Variants in JMJD1C observed in about 807,000 individuals in gnomAD.
The protein encoded by JMJD1C is jumonji domain-containing protein 1C.
In JMJD1C, 31 loss-of-function variants were observed where a neutral mutation model predicts 245.3. The observed-to-expected ratio is 0.13, with a 90% confidence interval of 0.09 to 0.17. The LOEUF (loss-of-function observed/expected upper bound fraction) is 0.17. JMJD1C is among the 10% of genes least tolerant of loss of function. The pLI is 1.00. For synonymous variants in JMJD1C, 1,057 were observed against 1,017.4 expected, an observed-to-expected ratio of 1.04 and a Z score of -0.74; for missense variants, 2,691 against 3,000.2, an observed-to-expected ratio of 0.90 and a Z score of 2.41.
At chr10:63,290,261 C>A (rs1228257217) in intron 2 of JMJD1C, among the ~76,000 whole-genome samples, 1 of 152,118 alleles carries the variant, frequency 6.6e-6, no homozygotes, top group Non-Finnish European at 1.5e-5. Flanking sequence ...TCTGAAAACA[C>A]TGAAAAACAT....
chr10:63,395,819 T>C (rs896881164), intron 1 of JMJD1C, among the ~76,000 whole-genome samples: 1 of 152,118 alleles, frequency 6.6e-6, no homozygotes, highest in Admixed American at 6.5e-5. Flanking sequence ...AATGTTTTAG[T>C]ATAATTAAAA....
intron 2 of JMJD1C, among the ~76,000 whole-genome samples, chr10:63,289,112 T>A (rs1463512736): frequency 6.6e-6 from 1 of 152,076 alleles, no homozygotes; most frequent in Admixed American, 6.6e-5. Context: ...GCCTGGCCTC[T>A]GGGAGACTTT....
intron 25 of JMJD1C, 109 bp downstream of exon 25, chr10:63,168,326 T>A: frequency 8.6e-7 from 1 of 1,158,948 alleles, no homozygotes; most frequent in Non-Finnish European, 1.2e-6. Flanking sequence ...TCTTTGGTTG[T>A]CACCCTAATG....
At chr10:63,477,709 A>C (rs1333216903) in intron 1 of JMJD1C, among the ~76,000 whole-genome samples, 1 of 152,156 alleles carries the variant, frequency 6.6e-6, no homozygotes, top group Admixed American at 6.5e-5. Flanking sequence ...GGATAGGCAA[A>C]AATTTCTCAC....
At position 63,384,153 on chromosome 10, in the gene JMJD1C, T is replaced by C. The variant is rs185680944; in HGVS notation, c.169-3671A>G. Reference sequence around the variant, plus strand: ...AAGTTCAACCATGAGATTACAGCAGTTCTCTCACATCTTCAAGCTCTAGTT... The same window carrying C: ...AAGTTCAACCATGAGATTACAGCAGCTCTCTCACATCTTCAAGCTCTAGTT... On this transcript the variant is annotated intron_variant, in intron 1 of 25. Transcript: ENST00000399262. Among the ~76,000 whole-genome samples the C allele has an allele frequency of 2.0e-3, 311 of 152,264 alleles. 2 individuals are homozygous for C. Among genetic ancestry groups the C allele is most frequent in the African/African-American group, 7.1e-3 (295 of 41,540 alleles).
At position 63,508,124 on chromosome 10, in the gene JMJD1C, A is replaced by T. The variant is rs537650939; in HGVS notation, n.113+13614T>A. 3.3e-5 allele frequency among the ~76,000 whole-genome samples: 5 copies of T among 152,324 alleles called. No individual in the cohort carries two copies. The East Asian group carries it at 9.6e-4, about 29-fold the overall frequency. On this transcript the variant is annotated intron_variant and non_coding_transcript_variant, in intron 1 of 3. Transcript: ENST00000633035. Reference sequence around the variant, plus strand: ...TCTTATCAATGACTTTCTAGATACTACACCAAAGACACAATCTTGGATTGT... The same window carrying T: ...TCTTATCAATGACTTTCTAGATACTTCACCAAAGACACAATCTTGGATTGT...
At chr10:63,512,260 T>C (rs1954893084) in intron 1 of JMJD1C, among the ~76,000 whole-genome samples, 1 of 152,036 alleles carries the variant, frequency 6.6e-6, no homozygotes. Flanking sequence ...TTCAAGCTTC[T>C]GACCTATATT....
intron 2 of JMJD1C, 23 bp downstream of exon 2, chr10:63,380,295 A>C (rs1028964550): frequency 3.7e-6 from 6 of 1,611,428 alleles, no homozygotes; most frequent in Non-Finnish European, 5.1e-6. Flanking sequence ...GAAAATGCTT[A>C]ATGAAACAGG....
chr10:63,305,093 G>T (rs1047686341), intron 2 of JMJD1C, among the ~76,000 whole-genome samples: 1 of 152,112 alleles, frequency 6.6e-6, no homozygotes. Context: ...GAGTGGCTGG[G>T]CATGGTGGCT....
intron 24 of JMJD1C, among the ~76,000 whole-genome samples, chr10:63,172,626 A>G (rs571825743): frequency 1.3e-5 from 2 of 152,148 alleles, no homozygotes; most frequent in East Asian, 1.9e-4. Flanking sequence ...TTTTAAGGTG[A>G]CAACTGAAAT....
At chr10:63,500,179 T>A (rs1436084957) in intron 1 of JMJD1C, among the ~76,000 whole-genome samples, 1 of 152,194 alleles carries the variant, frequency 6.6e-6, no homozygotes, top group Non-Finnish European at 1.5e-5. Context: ...CCCAGCACTG[T>A]GGGAGGCCGA....
chr10:63,478,235 A>G (rs1002951844), intron 1 of JMJD1C, among the ~76,000 whole-genome samples: 9 of 152,240 alleles, frequency 5.9e-5, no homozygotes, highest in Non-Finnish European at 1.0e-4. Context: ...TAATAAAGTT[A>G]AACATATACT....
chr10:63,385,907 TGAA>T (rs10596207), intron 1 of JMJD1C, among the ~76,000 whole-genome samples: 3,212 of 151,766 alleles, frequency 0.021, 112 homozygotes, highest in African/African-American at 0.071. Context: ...TAGAAAAAAA[TGAA>T]GAAGAAATAT....
rs1257327139 is a variant in JMJD1C at position 63,521,598 on chromosome 10, C to T, written n.113+140G>A. The T allele has an allele frequency of 3.6e-6, 5 of 1,402,456 alleles. No homozygotes were observed. In the African/African-American group the frequency reaches 4.5e-5, roughly 13 times the overall value. The allele number at this position is 1,402,456 out of a possible 1,614,324, so 86.9% of individuals were successfully genotyped here. On this transcript the variant is annotated intron_variant and non_coding_transcript_variant, in intron 1 of 3. Coordinates refer to the JMJD1C transcript ENST00000633035. ...GTGGTGTAAGTGCCTCTCACTGCGC[C>T]CTGCAGCCGGCGCGAGGCCCAGGGG...
chr10:63,337,308 G>T (rs1185181732), intron 2 of JMJD1C, among the ~76,000 whole-genome samples: 1 of 150,958 alleles, frequency 6.6e-6, no homozygotes, highest in Non-Finnish European at 1.5e-5. Context: ...CGGGCGTGGT[G>T]GCACACGCCT....
chr10:63,444,566 A>G (rs1951584795), intron 1 of JMJD1C, among the ~76,000 whole-genome samples: 1 of 151,190 alleles, frequency 6.6e-6, no homozygotes, highest in Admixed American at 6.6e-5. Flanking sequence ...GCGCCTCCGT[A>G]CCCGGTGGAC....
At chr10:63,273,848 C>T (rs770391401) in intron 2 of JMJD1C, among the ~76,000 whole-genome samples, 8 of 152,126 alleles carry the variant, frequency 5.3e-5, no homozygotes, top group African/African-American at 9.7e-5. Flanking sequence ...GCAACACTGC[C>T]TGCCTACCCA....
At chr10:63,268,972 G>C (rs1260626966) in intron 2 of JMJD1C, 31 of 985,502 alleles carry the variant, frequency 3.1e-5, no homozygotes, top group African/African-American at 8.7e-5. Flanking sequence ...GCAGTGATGA[G>C]GATTACAACT....
rs967511950 is a variant in JMJD1C, at chr10:63,440,080, T to TATTGCCC, written c.168+25408_168+25414dup. Among the ~76,000 whole-genome samples, 9 of 152,218 alleles carry TATTGCCC rather than the reference T, an allele frequency of 5.9e-5. No homozygotes were observed. The East Asian group carries it at 7.7e-4, about 13-fold the overall frequency. ...TACTGATGGATATTTTTTCAGTAAC[T>TATTGCCC]ATTGCCCACTTTGGGAGGCCAAGGT... On this transcript the variant is annotated intron_variant, in intron 1 of 25. Transcript: ENST00000399262.
Sources: allele counts gnomAD v4.1 joint callset (sites outside exome capture counted in the v4.1 genomes callset), GRCh38; gene constraint gnomAD v4.1.1; transcripts MANE v1.5; gene names NCBI Gene and HGNC (gene_info 2026-07-23, HGNC 2026-07-21).